DMD: variants seen among roughly 807,000 people sequenced by gnomAD.
DMD encodes dystrophin.
DMD carries 63 observed loss-of-function variants against 330.1 expected under a neutral mutation model. That is an observed-to-expected ratio of 0.19 (90% CI 0.16 to 0.24). The LOEUF (loss-of-function observed/expected upper bound fraction) is 0.24, where lower values mean the gene tolerates loss of function less well. DMD is among the 10% of genes least tolerant of loss of function. The probability of loss-of-function intolerance (pLI) is 1.00; values close to 1 mark genes in which losing one functional copy is unlikely to be tolerated. For synonymous variants in DMD, 1,223 were observed against 959.8 expected (o/e 1.27, Z -5.07); for missense variants, 3,344 against 2,684.1 (o/e 1.25, Z -5.43).
At chrX:32,208,928 G>A (rs1021907453) in intron 44 of DMD, among the ~76,000 whole-genome samples, 2 of 111,762 alleles carry the variant, frequency 1.8e-5, no homozygotes, top group African/African-American at 6.5e-5. Context: ...ATGTAAGAGA[G>A]AATGTTTTGG....
At chrX:33,160,562 C>T (rs1020025468) in intron 1 of DMD, among the ~76,000 whole-genome samples, 49 of 112,443 alleles carry the variant, frequency 4.4e-4, no homozygotes, top group African/African-American at 1.4e-3. Context: ...AAAACAAATA[C>T]ATAAATTTGG....
intron 52 of DMD, among the ~76,000 whole-genome samples, chrX:31,728,983 T>C (rs1239609183): frequency 9.0e-6 from 1 of 111,019 alleles, no homozygotes; most frequent in East Asian, 2.8e-4. Context: ...CGTCTGTCAC[T>C]CTTCCTGACC....
chrX:32,113,089 A>G (rs1356196647), intron 44 of DMD, among the ~76,000 whole-genome samples: 1 of 112,736 alleles, frequency 8.9e-6, no homozygotes, highest in Non-Finnish European at 1.9e-5. Flanking sequence ...TATTAGTATA[A>G]TAAACGCATA....
chrX:32,161,120 C>T (rs1603627409), intron 44 of DMD, among the ~76,000 whole-genome samples: 1 of 111,471 alleles, frequency 9.0e-6, no homozygotes, highest in Non-Finnish European at 1.9e-5. Context: ...GCAATGAGCT[C>T]GCACTTCTAT....
chrX:32,831,731 A>AC (rs1243823176), intron 4 of DMD, among the ~76,000 whole-genome samples: 3 of 108,647 alleles, frequency 2.8e-5, no homozygotes, highest in African/African-American at 1.0e-4. Flanking sequence ...AGAGAAAAAG[A>AC]CAGGTGACAA....
At chrX:31,771,806 C>G (rs185523154) in intron 51 of DMD, among the ~76,000 whole-genome samples, 4 of 111,702 alleles carry the variant, frequency 3.6e-5, no homozygotes, top group Non-Finnish European at 7.5e-5. Flanking sequence ...TGGCCCTCTA[C>G]ATTAGTTTTT....
chrX:31,738,352 T>C (rs780141622), intron 51 of DMD, among the ~76,000 whole-genome samples: 1 of 111,358 alleles, frequency 9.0e-6, no homozygotes, highest in African/African-American at 3.3e-5. Context: ...ACCAGAGAAA[T>C]GAAAATCAAA....
In DMD at chrX:32,206,782, C is replaced by T. The variant is rs1183541317; in HGVS notation, c.6438+10134G>A. On this transcript the variant is annotated intron_variant, in intron 44 of 78. Transcript: ENST00000357033. ...TTGTTAAAAATTTTCCATCTGATTT[C>T]GTTTCTGTAACAGTTGATATCTGGC... 1.9e-5 allele frequency: 8 copies of T among 418,591 alleles called. No homozygotes were observed. The East Asian group carries it at 3.2e-4, about 17-fold the overall frequency. 34.5% of individuals were successfully genotyped at this position (418,591 alleles called of 1,213,427 possible). A position where few individuals can be genotyped will look rare whatever the true frequency, so the allele number is the denominator to read the frequency against.
intron 53 of DMD, among the ~76,000 whole-genome samples, chrX:31,675,792 GATAA>G (rs1193776555): frequency 8.9e-6 from 1 of 111,870 alleles, no homozygotes; most frequent in African/African-American, 3.2e-5. Context: ...TAACAACATT[GATAA>G]ATATTTATGC....
At chrX:31,529,048 T>G (rs5927766) in intron 55 of DMD, among the ~76,000 whole-genome samples, 5 of 109,757 alleles carry the variant, frequency 4.6e-5, no homozygotes, top group African/African-American at 1.7e-4. Flanking sequence ...ATGGCGAAAC[T>G]CTGTCTCTAC....
rs141151675 is a variant in DMD at position 31,875,201 on chromosome X, G to T, written c.7085C>A (p.Pro2362Gln). 7.6e-5 allele frequency: 91 copies of T among 1,201,730 alleles called. No individual in the cohort carries two copies. Among genetic ancestry groups the T allele is most frequent in the Non-Finnish European group, 9.0e-5 (80 of 891,045 alleles). Residue 2362 changes from proline (P) to glutamine (Q), a missense_variant, in exon 48 of 79, where the codon CCA becomes CAA. Coordinates refer to ENST00000357033, the MANE Select transcript of DMD (RefSeq NM_004006.3). ...EIYNQPNQEGPFDVKETEIAV... is the reference protein window; with the variant it reads ...EIYNQPNQEGQFDVKETEIAV... ...AAAGTTCCCTACCTTAACGTCAAAT[G>T]GTCCTTCTTGGTTTGGTTGGTTATA...
chrX:32,857,951 T>C (rs1423202930), intron 2 of DMD, among the ~76,000 whole-genome samples: 1 of 110,477 alleles, frequency 9.1e-6, no homozygotes, highest in Non-Finnish European at 1.9e-5. Flanking sequence ...TAAAGGATTA[T>C]AGGTCAGGTA....
intron 7 of DMD, among the ~76,000 whole-genome samples, chrX:32,736,764 G>T (rs1394161108): frequency 1.1e-5 from 1 of 95,012 alleles, no homozygotes. Flanking sequence ...TGGGGACTGT[G>T]GTGGGGTGGG....
intron 1 of DMD, among the ~76,000 whole-genome samples, chrX:33,054,165 C>T (rs934701762): frequency 1.8e-5 from 2 of 111,999 alleles, no homozygotes; most frequent in South Asian, 3.7e-4. Context: ...AGAATGATCA[C>T]ATCAGTTAAT....
At chrX:31,340,079 T>C (rs1403997266) in intron 61 of DMD, among the ~76,000 whole-genome samples, 3 of 112,308 alleles carry the variant, frequency 2.7e-5, no homozygotes, top group South Asian at 3.7e-4. Context: ...GGATGAAAGC[T>C]TGGCAACTCT....
At chrX:31,590,060 T>C in intron 55 of DMD, among the ~76,000 whole-genome samples, 1 of 111,512 alleles carries the variant, frequency 9.0e-6, no homozygotes, top group Non-Finnish European at 1.9e-5. Flanking sequence ...AGATAATGTA[T>C]ATAGGTATGT....
At chrX:31,964,943 GAAGA>G (rs1266633220) in intron 45 of DMD, among the ~76,000 whole-genome samples, 1 of 111,267 alleles carries the variant, frequency 9.0e-6, no homozygotes, top group Admixed American at 9.6e-5. Context: ...TTGTCTAAAA[GAAGA>G]AAGAATTATA....
At chrX:31,803,121 G>C (rs1187182281) in intron 50 of DMD, among the ~76,000 whole-genome samples, 1 of 112,207 alleles carries the variant, frequency 8.9e-6, no homozygotes, top group African/African-American at 3.2e-5. Context: ...TCCATTGGTT[G>C]AAGGTTGCTC....
intron 1 of DMD, among the ~76,000 whole-genome samples, chrX:33,197,189 C>G (rs982950539): frequency 9.0e-6 from 1 of 111,414 alleles, no homozygotes; most frequent in African/African-American, 3.3e-5. Context: ...GATACCCTAG[C>G]CTTCAGAAAA....
Sources: gnomAD v4.1 joint callset for allele counts (sites outside exome capture counted in the v4.1 genomes callset) on GRCh38, gnomAD v4.1.1 for gene constraint, MANE v1.5 for transcripts, NCBI Gene and HGNC (gene_info 2026-07-23, HGNC 2026-07-21) for gene names.